PTK2: variants seen among roughly 807,000 people sequenced by gnomAD.
PTK2 encodes focal adhesion kinase 1.
PTK2 carries 45 observed loss-of-function variants against 150.1 expected under a neutral mutation model. That is an observed-to-expected ratio of 0.30 (90% CI 0.24 to 0.38). The LOEUF is 0.38. Among genes scored for constraint, PTK2 ranks in the 10% least tolerant of loss-of-function variants. The pLI is 1.00. For missense variants in PTK2, 919 were observed against 1,307.3 expected, an observed-to-expected ratio of 0.70 and a Z score of 4.58; for synonymous variants, 432 against 449.2, an observed-to-expected ratio of 0.96 and a Z score of 0.48.
intron 2 of PTK2, among the ~76,000 whole-genome samples, chr8:140,895,525 T>TAA (rs60850146): frequency 1.4e-3 from 197 of 145,428 alleles, no homozygotes; most frequent in East Asian, 4.4e-3. Context: ...CTGTCTCCTT[T>TAA]AAAAAAAAAA....
chr8:140,902,183 G>A (rs548770129), intron 2 of PTK2, among the ~76,000 whole-genome samples: 10 of 152,136 alleles, frequency 6.6e-5, no homozygotes, highest in African/African-American at 1.9e-4. Context: ...ACAGGCGCAC[G>A]CCACCACGCC....
At chr8:140,903,696 T>C (rs2100159692) in intron 2 of PTK2, among the ~76,000 whole-genome samples, 1 of 152,206 alleles carries the variant, frequency 6.6e-6, no homozygotes, top group Non-Finnish European at 1.5e-5. Flanking sequence ...TGGTTTGTAG[T>C]TCTCCTTGAA....
intron 21 of PTK2, among the ~76,000 whole-genome samples, chr8:140,737,616 A>G (rs1158188729): frequency 1.3e-5 from 2 of 152,230 alleles, no homozygotes; most frequent in African/African-American, 4.8e-5. Flanking sequence ...GTTCTTTTAA[A>G]GTCATTCAGA....
At chr8:140,825,278 C>A (rs1460558257) in intron 8 of PTK2, among the ~76,000 whole-genome samples, 1 of 152,138 alleles carries the variant, frequency 6.6e-6, no homozygotes, top group African/African-American at 2.4e-5. Context: ...CAGGTCCTGG[C>A]ATACAGCAGA....
At chr8:140,766,211 A>G (rs1315635672) in intron 14 of PTK2, among the ~76,000 whole-genome samples, 1 of 152,156 alleles carries the variant, frequency 6.6e-6, no homozygotes, top group Non-Finnish European at 1.5e-5. Context: ...ACTTGTCACC[A>G]CAGCTTCATA....
intron 2 of PTK2, among the ~76,000 whole-genome samples, chr8:140,923,274 A>C (rs548645693): frequency 7.2e-5 from 11 of 152,246 alleles, no homozygotes; most frequent in Non-Finnish European, 1.6e-4. Context: ...AACTCATGCC[A>C]CAGAGAAGAG....
intron 8 of PTK2, among the ~76,000 whole-genome samples, chr8:140,828,826 G>C (rs1024058612): frequency 3.3e-5 from 5 of 152,132 alleles, no homozygotes; most frequent in Non-Finnish European, 5.9e-5. Context: ...TCTCCCAACT[G>C]CAAGAGTATG....
At chr8:140,745,708 A>G (rs1654735719) in intron 18 of PTK2, among the ~76,000 whole-genome samples, 1 of 152,198 alleles carries the variant, frequency 6.6e-6, no homozygotes, top group Non-Finnish European at 1.5e-5. Flanking sequence ...ACATTTTTAA[A>G]AGAAAGTACG....
chr8:140,975,062 T>A (rs569950968), intron 1 of PTK2, among the ~76,000 whole-genome samples: 1 of 152,288 alleles, frequency 6.6e-6, no homozygotes, highest in South Asian at 2.1e-4. Flanking sequence ...TGCCCTTAAG[T>A]CCTTCATTTA....
intron 14 of PTK2, among the ~76,000 whole-genome samples, chr8:140,789,232 T>C (rs999072234): frequency 4.6e-5 from 7 of 151,734 alleles, no homozygotes; most frequent in African/African-American, 1.2e-4. Context: ...TAATTTGGAA[T>C]TCTATACAAC....
chr8:140,750,613 A>C (rs1467572637), intron 17 of PTK2, among the ~76,000 whole-genome samples: 5 of 152,212 alleles, frequency 3.3e-5, no homozygotes, highest in Non-Finnish European at 4.4e-5. Flanking sequence ...AAACCATAGG[A>C]AAGGAGGAAG....
chr8:140,758,924 C>T (rs2100067530), intron 16 of PTK2, among the ~76,000 whole-genome samples: 2 of 152,074 alleles, frequency 1.3e-5, no homozygotes, highest in African/African-American at 4.8e-5. Context: ...AGTACTTTTT[C>T]TATATTTAGA....
intron 1 of PTK2, among the ~76,000 whole-genome samples, chr8:140,961,593 T>C (rs1193389161): frequency 1.3e-5 from 2 of 149,208 alleles, no homozygotes; most frequent in Non-Finnish European, 3.0e-5. Context: ...ACCTGGGAGG[T>C]GGAGGTTGCA....
At chr8:140,968,535 A>G (rs1162199469) in intron 1 of PTK2, among the ~76,000 whole-genome samples, 1 of 152,250 alleles carries the variant, frequency 6.6e-6, no homozygotes, top group Non-Finnish European at 1.5e-5. Context: ...TCAACATCAT[A>G]CAGGGAGCAA....
At chr8:140,912,936 ACT>A (rs1256909051) in intron 2 of PTK2, among the ~76,000 whole-genome samples, 1 of 152,008 alleles carries the variant, frequency 6.6e-6, no homozygotes, top group Non-Finnish European at 1.5e-5. Flanking sequence ...ACAGAGCAAG[ACT>A]CTGTCTCAAA....
chr8:140,840,570 G>C (rs926071219), intron 7 of PTK2, among the ~76,000 whole-genome samples: 1 of 152,098 alleles, frequency 6.6e-6, no homozygotes, highest in South Asian at 2.1e-4. Flanking sequence ...TTAAAATCTG[G>C]AGTTGGTTAA....
chr8:140,666,792 G>A (rs2092262030), intron 30 of PTK2, among the ~76,000 whole-genome samples: 1 of 152,172 alleles, frequency 6.6e-6, no homozygotes, highest in Admixed American at 6.5e-5. Flanking sequence ...AGTGAAAGCA[G>A]GGTCTCAAAA....
intron 8 of PTK2, among the ~76,000 whole-genome samples, chr8:140,823,660 T>G (rs1356708898): frequency 6.6e-6 from 1 of 152,146 alleles, no homozygotes; most frequent in Non-Finnish European, 1.5e-5. Context: ...AACTTACTCT[T>G]TCCTATACCC....
At chr8:140,659,805 T>C (rs1037384062) in intron 31 of PTK2, 127 bp from the exon 36 acceptor site, 2 of 802,224 alleles carry the variant, frequency 2.5e-6, no homozygotes, top group Admixed American at 5.5e-5. Flanking sequence ...TCTTCCTGCC[T>C]CAGCCTTCCC....
Sources: allele counts gnomAD v4.1 joint callset (sites outside exome capture counted in the v4.1 genomes callset), GRCh38; gene constraint gnomAD v4.1.1; transcripts MANE v1.5; gene names NCBI Gene and HGNC (gene_info 2026-07-23, HGNC 2026-07-21).